NCOR2: variants seen among roughly 807,000 people sequenced by gnomAD.
NCOR2 encodes CTG repeat protein 26.
NCOR2 carries 81 observed loss-of-function variants against 262.9 expected under a neutral mutation model. That is an observed-to-expected ratio of 0.31 (90% CI 0.26 to 0.37). The LOEUF (loss-of-function observed/expected upper bound fraction) is 0.37, where lower values mean the gene tolerates loss of function less well. NCOR2 is among the 10% of genes least tolerant of loss of function. The pLI, the probability that NCOR2 is intolerant of heterozygous loss-of-function variation, is 1.00. For synonymous variants in NCOR2, 1,659 were observed against 1,559.3 expected (o/e 1.06, Z -1.51); for missense variants, 3,385 against 3,621.4 (o/e 0.93, Z 1.68).
rs1341276128 is a variant in NCOR2, at chr12:124,437,910, G to A, written c.882+20C>T. On this transcript the variant is annotated intron_variant, in intron 8 of 46. Coordinates refer to ENST00000405201, the Ensembl canonical transcript of NCOR2. ...CCCAGATCTCAAGGAAAGCTGATGG[G>A]GGCCACGGTGTGGACTTACCCATTG... The A allele has an allele frequency of 6.2e-7, 1 of 1,606,730 alleles. No homozygotes were observed. The highest frequency in any genetic ancestry group is 1.7e-5 in the Admixed American group (1 of 59,350).
intron 1 of NCOR2, among the ~76,000 whole-genome samples, chr12:124,493,246 G>A (rs1008944203): frequency 6.6e-6 from 1 of 152,210 alleles, no homozygotes; most frequent in Non-Finnish European, 1.5e-5. Flanking sequence ...GCTAGGAGCC[G>A]GGTGAGGGCG....
chr12:124,379,997 C>G (rs1009485631), intron 17 of NCOR2, among the ~76,000 whole-genome samples: 3 of 152,214 alleles, frequency 2.0e-5, no homozygotes, highest in African/African-American at 2.4e-5. Context: ...TGGTTCCAGA[C>G]GTCTAGCCTC....
chr12:124,346,606 C>A, exon 31 of NCOR2: 1 of 1,585,718 alleles, frequency 6.3e-7, no homozygotes, highest in South Asian at 1.1e-5. Flanking sequence ...GGGCCAGGGG[C>A]AGCTCGGGCG....
intron 4 of NCOR2, among the ~76,000 whole-genome samples, chr12:124,468,809 A>G (rs1309841409): frequency 2.8e-5 from 1 of 36,260 alleles, no homozygotes; most frequent in Non-Finnish European, 5.7e-5. Context: ...CCTCATCCTC[A>G]TCACCCCCAT....
At chr12:124,411,262 G>A (rs943180966) in intron 13 of NCOR2, among the ~76,000 whole-genome samples, 5 of 151,588 alleles carry the variant, frequency 3.3e-5, no homozygotes, top group South Asian at 2.1e-4. Context: ...CCGTGTGCGC[G>A]CATACACACA....
intron 3 of NCOR2, among the ~76,000 whole-genome samples, chr12:124,479,573 G>A (rs528494574): frequency 2.0e-5 from 3 of 151,982 alleles, no homozygotes; most frequent in Admixed American, 2.0e-4. Context: ...ACACACGCAC[G>A]CGCGCGCGCA....
chr12:124,350,477 C>G (rs1566379975), intron 28 of NCOR2, 110 bp downstream of exon 30: 3 of 1,419,570 alleles, frequency 2.1e-6, no homozygotes, highest in Non-Finnish European at 2.9e-6. Context: ...CACCACCTAT[C>G]AGATTGTGCT....
At chr12:124,374,559 G>A in intron 18 of NCOR2, 96 bp from the exon 21 acceptor site, 2 of 1,153,130 alleles carry the variant, frequency 1.7e-6, no homozygotes, top group Non-Finnish European at 2.6e-6. Flanking sequence ...CTGAAGCCCA[G>A]TGCACAGCAG....
At chr12:124,406,040 G>C (rs917221582) in intron 13 of NCOR2, among the ~76,000 whole-genome samples, 3 of 152,216 alleles carry the variant, frequency 2.0e-5, no homozygotes, top group African/African-American at 7.2e-5. Flanking sequence ...CCAGGCGTTC[G>C]TATGTTAAAT....
At chr12:124,550,898 C>T (rs970492294) in intron 1 of NCOR2, among the ~76,000 whole-genome samples, 1 of 152,200 alleles carries the variant, frequency 6.6e-6, no homozygotes, top group African/African-American at 2.4e-5. Context: ...AGAAAGTCCC[C>T]GGCAGCCCCT....
At chr12:124,342,345 G>A (rs2135829643) in intron 33 of NCOR2, among the ~76,000 whole-genome samples, 1 of 152,274 alleles carries the variant, frequency 6.6e-6, no homozygotes, top group African/African-American at 2.4e-5. Context: ...CCAAAGGGAT[G>A]CAACTTTTTT....
At chr12:124,533,710 C>T (rs967496468) in intron 1 of NCOR2, among the ~76,000 whole-genome samples, 3 of 152,270 alleles carry the variant, frequency 2.0e-5, no homozygotes, top group Middle Eastern at 3.4e-3. Context: ...TCATGTACTG[C>T]TTAACCACGG....
chr12:124,352,345 A>AG (rs2037557662), intron 27 of NCOR2, among the ~76,000 whole-genome samples: 1 of 152,092 alleles, frequency 6.6e-6, no homozygotes, highest in Non-Finnish European at 1.5e-5. Flanking sequence ...TGATTTAAAA[A>AG]GGGGGGCTCT....
chr12:124,429,782 C>T (rs757586478), intron 9 of NCOR2, 76 bp from the exon 12 acceptor site: 3 of 1,361,950 alleles, frequency 2.2e-6, no homozygotes, highest in Non-Finnish European at 3.0e-6. Context: ...TGGCGCAGCC[C>T]TGAGCCCACG....
intron 44 of NCOR2, chr12:124,328,630 A>C (rs1401343172): frequency 6.5e-6 from 1 of 152,930 alleles, no homozygotes; most frequent in Admixed American, 6.5e-5. Flanking sequence ...CTTTGCTTTC[A>C]AAAGCCCCCA....
chr12:124,353,435 T>C (rs1016601625), intron 27 of NCOR2, among the ~76,000 whole-genome samples: 1 of 152,250 alleles, frequency 6.6e-6, no homozygotes, highest in African/African-American at 2.4e-5. Context: ...GTGGTGGGAT[T>C]TGACGCTGCC....
intron 1 of NCOR2, among the ~76,000 whole-genome samples, chr12:124,520,365 C>T (rs1462944662): frequency 3.3e-5 from 5 of 152,206 alleles, no homozygotes; most frequent in Non-Finnish European, 1.5e-5. Flanking sequence ...ATGCAAACAC[C>T]ACCAGGAAGC....
chr12:124,325,063 C>T (rs764641098), exon 47 of NCOR2: 25 of 211,590 alleles, frequency 1.2e-4, no homozygotes, highest in Middle Eastern at 3.0e-3. Context: ...CGTGGAGGTG[C>T]GTGGTCATCC....
In NCOR2 at chr12:124,535,441, G is replaced by A. The variant is rs557000275; in HGVS notation, c.-118+124C>T. On this transcript the variant is annotated intron_variant, in intron 1 of 46. Transcript: ENST00000404621. The stretch of plus-strand genomic sequence containing the variant: ...ATGTGCCAGACCCCACACGCCCCCC[G>A]AGGCCCCCACCACACACTCCAGGCC... The A allele has an allele frequency of 3.0e-4, 45 of 152,356 alleles. 1 individual carries two copies. The highest frequency in any genetic ancestry group is 1.8e-4 in the Non-Finnish European group (12 of 68,184). 9.4% of individuals were successfully genotyped at this position (152,356 alleles called of 1,614,324 possible). A position where few individuals can be genotyped will look rare whatever the true frequency, so the allele number is the denominator to read the frequency against.
Sources: gnomAD v4.1 joint callset for allele counts (sites outside exome capture counted in the v4.1 genomes callset) on GRCh38, gnomAD v4.1.1 for gene constraint, MANE v1.5 for transcripts, NCBI Gene and HGNC (gene_info 2026-07-23, HGNC 2026-07-21) for gene names.